Variants in KIAA0319 observed in about 807,000 individuals in gnomAD.
KIAA0319 encodes the protein dyslexia-associated protein KIAA0319.
KIAA0319 carries 83 observed loss-of-function variants against 108.4 expected under a neutral mutation model. The ratio of observed to expected loss-of-function variants is 0.77; its 90% CI spans 0.64 to 0.92. KIAA0319 has a LOEUF of 0.92. Ranked by LOEUF, KIAA0319 falls within the 40% of genes least tolerant of loss-of-function variation. The pLI is 0.00. For missense variants in KIAA0319, 1,195 were observed against 1,322.4 expected, an observed-to-expected ratio of 0.90 and a Z score of 1.49; for synonymous variants, 484 against 510.4, an observed-to-expected ratio of 0.95 and a Z score of 0.70.
chr6:24,551,986 T>C (rs1761579450), intron 19 of KIAA0319, among the ~76,000 whole-genome samples: 1 of 151,940 alleles, frequency 6.6e-6, no homozygotes, highest in Admixed American at 6.5e-5. Context: ...CCACAATTAA[T>C]TAGCAACAGC....
intron 1 of KIAA0319, among the ~76,000 whole-genome samples, chr6:24,639,094 G>GA (rs933296780): frequency 1.3e-5 from 2 of 151,966 alleles, no homozygotes; most frequent in Admixed American, 6.5e-5. Flanking sequence ...AAGCTAGAGG[G>GA]AAAAAATATG....
At chr6:24,610,769 C>G (rs1582218119) in intron 1 of KIAA0319, among the ~76,000 whole-genome samples, 2 of 151,362 alleles carry the variant, frequency 1.3e-5, no homozygotes, top group Non-Finnish European at 2.9e-5. Flanking sequence ...TTGAGCCAAG[C>G]CTCCCTCAAA....
chr6:24,597,104 C>T (rs756707232), intron 2 of KIAA0319, among the ~76,000 whole-genome samples: 57 of 152,262 alleles, frequency 3.7e-4, no homozygotes, highest in Non-Finnish European at 6.9e-4. Context: ...CCCTTCCTTC[C>T]ATTTGTTATT....
intron 1 of KIAA0319, among the ~76,000 whole-genome samples, chr6:24,637,490 T>C (rs1442294485): frequency 1.3e-5 from 2 of 152,204 alleles, no homozygotes; most frequent in Admixed American, 6.5e-5. Flanking sequence ...CATTTTTCTT[T>C]AGTAATGTAA....
chr6:24,564,236 C>A lies in KIAA0319; in HGVS notation c.2397G>T (p.Ser799=), dbSNP rs571054596. The change falls in exon 15 of 21, where the codon TCG becomes TCT. Residue 799 remains serine, a synonymous_variant. Coordinates refer to ENST00000378214, the MANE Select transcript of KIAA0319 (RefSeq NM_014809.4). ...CTTCCACAGTGGCAGTGTCTGTGTC[C>A]GAGGCCCCCTGACTGTCGGTGACTC... ...HLRVTDSQGA[S]DTDTATVEVQ... 1 of 1,614,040 alleles carries A rather than the reference C, an allele frequency of 6.2e-7. No individual in the cohort carries two copies. Among genetic ancestry groups the A allele is most frequent in the Admixed American group, 1.7e-5 (1 of 60,002 alleles).
At chr6:24,573,314 C>T (rs1031048822) in intron 10 of KIAA0319, among the ~76,000 whole-genome samples, 15 of 152,178 alleles carry the variant, frequency 9.9e-5, no homozygotes, top group African/African-American at 2.7e-4. Context: ...GGAGACTCGT[C>T]CATGGATGCT....
At chr6:24,572,764 T>C (rs1764907454) in intron 10 of KIAA0319, 66 bp from the exon 11 acceptor site, 3 of 1,398,552 alleles carry the variant, frequency 2.1e-6, no homozygotes, top group South Asian at 2.8e-5. Context: ...CACAAGTAAA[T>C]AGTATGACAG....
At chr6:24,549,622 A>G (rs2127408376) in intron 20 of KIAA0319, among the ~76,000 whole-genome samples, 1 of 152,314 alleles carries the variant, frequency 6.6e-6, no homozygotes, top group South Asian at 2.1e-4. Flanking sequence ...CAAGTTGCTA[A>G]ACTTTCCTTT....
intron 1 of KIAA0319, among the ~76,000 whole-genome samples, chr6:24,629,778 A>G (rs1582319410): frequency 6.6e-6 from 1 of 152,184 alleles, no homozygotes; most frequent in Admixed American, 6.5e-5. Flanking sequence ...ATGTTACAGA[A>G]CCTTGGAGAG....
intron 1 of KIAA0319, among the ~76,000 whole-genome samples, chr6:24,642,452 GAAT>G (rs2127602900): frequency 6.6e-6 from 1 of 152,250 alleles, no homozygotes; most frequent in South Asian, 2.1e-4. Flanking sequence ...CACAATCTTA[GAAT>G]AACAGAACAG....
chr6:24,641,140 T>C (rs192469829), intron 1 of KIAA0319, among the ~76,000 whole-genome samples: 48 of 152,352 alleles, frequency 3.2e-4, no homozygotes, highest in Admixed American at 1.4e-3. Flanking sequence ...GAATAGTTCA[T>C]GTAAGTAGGA....
intron 5 of KIAA0319, 149 bp from the exon 6 acceptor site, chr6:24,582,495 T>C: frequency 2.9e-6 from 1 of 349,180 alleles, no homozygotes; most frequent in South Asian, 9.9e-5. Context: ...TTAACTTATA[T>C]ATATATTTTT....
chr6:24,572,797 T>C, intron 10 of KIAA0319, 99 bp from the exon 11 acceptor site: 1 of 1,163,076 alleles, frequency 8.6e-7, no homozygotes, highest in South Asian at 1.6e-5. Flanking sequence ...ACAATTTTAC[T>C]TAATACAGAG....
intron 4 of KIAA0319, among the ~76,000 whole-genome samples, chr6:24,585,811 A>G (rs1330118624): frequency 6.6e-6 from 1 of 152,198 alleles, no homozygotes; most frequent in African/African-American, 2.4e-5. Flanking sequence ...CAAGGTGGCC[A>G]GGCACAGTGG....
At chr6:24,558,352 G>GAT (rs767153802) in intron 17 of KIAA0319, among the ~76,000 whole-genome samples, 6 of 129,076 alleles carry the variant, frequency 4.6e-5, no homozygotes, top group Non-Finnish European at 9.8e-5. Flanking sequence ...ATTGTAGATG[G>GAT]ATATATATAT....
intron 1 of KIAA0319, among the ~76,000 whole-genome samples, chr6:24,601,636 G>C (rs571117016): frequency 8.5e-5 from 13 of 152,316 alleles, no homozygotes; most frequent in African/African-American, 3.1e-4. Flanking sequence ...CAGGCAGCTC[G>C]CTAGAAGTGG....
At chr6:24,587,507 C>A (rs1230732923) in intron 4 of KIAA0319, among the ~76,000 whole-genome samples, 1 of 152,058 alleles carries the variant, frequency 6.6e-6, no homozygotes, top group Non-Finnish European at 1.5e-5. Context: ...GTCTCGATCT[C>A]CTGACCTCAT....
intron 13 of KIAA0319, 116 bp downstream of exon 13, chr6:24,568,665 T>A: frequency 9.4e-7 from 1 of 1,067,946 alleles, no homozygotes; most frequent in Non-Finnish European, 1.3e-6. Context: ...GGGTTCGGCA[T>A]CTGCTGCGAA....
downstream of KIAA0319, among the ~76,000 whole-genome samples, chr6:24,542,616 G>C (rs1225752649): frequency 6.6e-6 from 1 of 152,150 alleles, no homozygotes; most frequent in Non-Finnish European, 1.5e-5. Context: ...AGGAAGCTGA[G>C]AGGTGGGAGG....
Sources: allele counts gnomAD v4.1 joint callset (sites outside exome capture counted in the v4.1 genomes callset), GRCh38; gene constraint gnomAD v4.1.1; transcripts MANE v1.5; gene names NCBI Gene and HGNC (gene_info 2026-07-23, HGNC 2026-07-21).